The following FHIT variants were observed in gnomAD, a reference collection of about 807,000 sequenced individuals.
FHIT encodes bis(5'-adenosyl)-triphosphatase.
Under a neutral mutation model 17.9 loss-of-function variants are expected in FHIT, and 19 were observed. That is an observed-to-expected ratio of 1.06 (90% CI 0.74 to 1.56). The LOEUF is 1.56. Ranked by LOEUF, FHIT falls within the 40% of genes most tolerant of loss-of-function variation. FHIT has a pLI of 0.00. For synonymous variants in FHIT, 81 were observed against 69.7 expected (o/e 1.16, Z -0.81); for missense variants, 248 against 189.2 (o/e 1.31, Z -1.82).
chr3:60,645,271 C>T (rs575994294), intron 4 of FHIT, among the ~76,000 whole-genome samples: 121 of 152,254 alleles, frequency 7.9e-4, no homozygotes, highest in African/African-American at 2.6e-3. Flanking sequence ...TTGGCCACTT[C>T]GCAAGCAGGA....
chr3:61,163,923 T>C (rs757452815), intron 2 of FHIT, among the ~76,000 whole-genome samples: 7 of 152,192 alleles, frequency 4.6e-5, no homozygotes, highest in Non-Finnish European at 7.3e-5. Flanking sequence ...AACCTGGCAA[T>C]GGAAAAGAAA....
At chr3:60,505,534 C>T (rs1038092306) in intron 5 of FHIT, among the ~76,000 whole-genome samples, 1 of 152,156 alleles carries the variant, frequency 6.6e-6, no homozygotes, top group Non-Finnish European at 1.5e-5. Flanking sequence ...CCGTTTGTAA[C>T]TAATACAGAC....
intron 8 of FHIT, among the ~76,000 whole-genome samples, chr3:59,864,746 T>C (rs1702561580): frequency 6.6e-6 from 1 of 151,756 alleles, no homozygotes; most frequent in African/African-American, 2.4e-5. Flanking sequence ...GAAGCAATGC[T>C]TTTCTGTGGA....
chr3:61,099,969 C>T (rs2106845033), intron 2 of FHIT, among the ~76,000 whole-genome samples: 1 of 152,142 alleles, frequency 6.6e-6, no homozygotes, highest in Non-Finnish European at 1.5e-5. Flanking sequence ...CTTGCTGATG[C>T]TTGTTATTGT....
At position 60,462,017 on chromosome 3, in the gene FHIT, C is replaced by T. The variant is rs1370382794; in HGVS notation, c.103+74843G>A. Among the ~76,000 whole-genome samples, 5 of 152,156 alleles carry T rather than the reference C, an allele frequency of 3.3e-5. No homozygotes were observed. In the South Asian group the frequency reaches 6.2e-4, roughly 19 times the overall value. Reference sequence around the variant, plus strand: ...GAAACCGAGGTTGAAGTCTTCAGTTCGCCTGACTCAGTGCTGGTACACAGT... The same window carrying T: ...GAAACCGAGGTTGAAGTCTTCAGTTTGCCTGACTCAGTGCTGGTACACAGT... On this transcript the variant is annotated intron_variant, in intron 5 of 9. Transcript: ENST00000492590.
intron 5 of FHIT, among the ~76,000 whole-genome samples, chr3:60,431,370 G>A (rs2687193): frequency 0.71 from 107,413 of 151,506 alleles, 38,661 homozygotes; most frequent in Non-Finnish European, 0.74. Context: ...AGCAAAGCAG[G>A]GGCTCTCCCA....
At chr3:60,522,059 A>G (rs898893330) in intron 5 of FHIT, among the ~76,000 whole-genome samples, 1 of 151,396 alleles carries the variant, frequency 6.6e-6, no homozygotes, top group Non-Finnish European at 1.5e-5. Flanking sequence ...GGTCAGAGGA[A>G]TGTCAGATTT....
intron 5 of FHIT, among the ~76,000 whole-genome samples, chr3:60,254,367 T>C (rs1705876438): frequency 6.6e-6 from 1 of 152,136 alleles, no homozygotes; most frequent in African/African-American, 2.4e-5. Flanking sequence ...GTGCTGAAGA[T>C]TTGTGAGTGG....
chr3:59,860,444 G>C (rs1300751134), intron 8 of FHIT, among the ~76,000 whole-genome samples: 3 of 152,228 alleles, frequency 2.0e-5, no homozygotes, highest in African/African-American at 7.2e-5. Flanking sequence ...AACTTGTAGG[G>C]AAAAGAAGGA....
chr3:61,211,603 T>C (rs902020827), intron 1 of FHIT, among the ~76,000 whole-genome samples: 6 of 152,204 alleles, frequency 3.9e-5, no homozygotes, highest in Non-Finnish European at 7.3e-5. Context: ...AAGACAGCAG[T>C]AACCTCTGCA....
intron 4 of FHIT, among the ~76,000 whole-genome samples, chr3:60,781,532 T>A (rs1247470285): frequency 6.6e-6 from 1 of 152,176 alleles, no homozygotes; most frequent in African/African-American, 2.4e-5. Flanking sequence ...AATGGTCCCA[T>A]CAACCTGCAG....
At chr3:60,131,478 G>A (rs139766528) in intron 5 of FHIT, among the ~76,000 whole-genome samples, 3 of 151,924 alleles carry the variant, frequency 2.0e-5, no homozygotes, top group Admixed American at 6.6e-5. Context: ...TTCAAGTAAC[G>A]TAAGCACTAT....
chr3:60,090,021 T>C (rs1703663949), intron 5 of FHIT, among the ~76,000 whole-genome samples: 1 of 152,168 alleles, frequency 6.6e-6, no homozygotes, highest in African/African-American at 2.4e-5. Flanking sequence ...TTGATCTAAA[T>C]GCTTTACATA....
chr3:60,315,875 A>G (rs779547833), intron 5 of FHIT, among the ~76,000 whole-genome samples: 15 of 152,080 alleles, frequency 9.9e-5, no homozygotes, highest in African/African-American at 3.6e-4. Context: ...TCATATTCCA[A>G]CTACTCAAAG....
At chr3:60,249,209 T>C (rs1340735239) in intron 5 of FHIT, among the ~76,000 whole-genome samples, 1 of 152,114 alleles carries the variant, frequency 6.6e-6, no homozygotes, top group East Asian at 1.9e-4. Context: ...CCTCACAAGG[T>C]GTTCGTTTTT....
intron 7 of FHIT, among the ~76,000 whole-genome samples, chr3:59,938,426 G>A (rs28451006): frequency 3.3e-5 from 5 of 152,204 alleles, no homozygotes; most frequent in South Asian, 4.1e-4. Flanking sequence ...GGAGATACAG[G>A]TCAGAGAATA....
At chr3:59,967,066 C>T (rs909738234) in intron 7 of FHIT, among the ~76,000 whole-genome samples, 4 of 151,982 alleles carry the variant, frequency 2.6e-5, no homozygotes, top group Non-Finnish European at 1.5e-5. Context: ...AACACACACA[C>T]ACACATTAGT....
chr3:60,090,786 T>C (rs1703698823), intron 5 of FHIT, among the ~76,000 whole-genome samples: 2 of 152,138 alleles, frequency 1.3e-5, no homozygotes, highest in Admixed American at 1.3e-4. Flanking sequence ...AACATACATC[T>C]AAGGAGACAA....
intron 2 of FHIT, among the ~76,000 whole-genome samples, chr3:61,068,418 G>A (rs2034688597): frequency 6.6e-6 from 1 of 152,120 alleles, no homozygotes; most frequent in Non-Finnish European, 1.5e-5. Context: ...CAGCAATGAG[G>A]GGTTGGGTTC....
Sources: allele counts gnomAD v4.1 joint callset (sites outside exome capture counted in the v4.1 genomes callset), GRCh38; gene constraint gnomAD v4.1.1; transcripts MANE v1.5; gene names NCBI Gene and HGNC (gene_info 2026-07-23, HGNC 2026-07-21).